The following YIPF1 variants were observed in gnomAD, a reference collection of about 807,000 sequenced individuals.
The protein encoded by YIPF1 is Yip1 domain family member 1.
In YIPF1, 22 loss-of-function variants were observed where a neutral mutation model predicts 37.0. The observed-to-expected ratio is 0.59, with a 90% CI of 0.42 to 0.85. The LOEUF (loss-of-function observed/expected upper bound fraction) is 0.85. Ranked by LOEUF, YIPF1 falls within the 40% of genes least tolerant of loss-of-function variation. The pLI, the probability that YIPF1 is intolerant of heterozygous loss-of-function variation, is 0.00. For synonymous variants in YIPF1, 128 were observed against 131.9 expected (o/e 0.97, Z 0.21); for missense variants, 355 against 373.1 (o/e 0.95, Z 0.40).
At chr1:53,883,039 A>G in intron 4 of YIPF1, 74 bp downstream of exon 4, 1 of 1,466,520 alleles carries the variant, frequency 6.8e-7, no homozygotes, top group Non-Finnish European at 9.0e-7. Flanking sequence ...TACCTGGCAC[A>G]CAGTAGACAG....
At chr1:53,882,367 TAA>T (rs906524285) in intron 4 of YIPF1, among the ~76,000 whole-genome samples, 1 of 151,880 alleles carries the variant, frequency 6.6e-6, no homozygotes, top group African/African-American at 2.4e-5. Context: ...TTTTCACAAT[TAA>T]AGTCGACAGT....
Position 53,883,233 on chromosome 1 carries a change from G to A in YIPF1, c.75C>T (p.Ala25=). The part of the protein sequence containing the change: ...AATSLTANPD[A]TTVNIEDPGE... ...CAGGATCCTCAATGTTTACTGTGGT[G>A]GCATCTGGGTTTGCTGTCAGAGAAG... The change falls in exon 4 of 11, where the codon GCC becomes GCT. Residue 25 remains alanine (A), a synonymous_variant. Coordinates refer to ENST00000072644, the MANE Select transcript of YIPF1 (RefSeq NM_018982.5). 6.3e-7 allele frequency: 1 copy of A among 1,592,126 alleles called. No individual in the cohort carries two copies. Among genetic ancestry groups the A allele is most frequent in the Non-Finnish European group, 8.5e-7 (1 of 1,171,312 alleles).
At chr1:53,888,601 T>A (rs1186290644) in intron 3 of YIPF1, among the ~76,000 whole-genome samples, 2 of 152,224 alleles carry the variant, frequency 1.3e-5, no homozygotes, top group African/African-American at 2.4e-5. Context: ...CTTGTACGGT[T>A]CTAAGCACAA....
Position 53,866,386 on chromosome 1 carries a change from A to G in YIPF1, c.649-4T>C, listed in dbSNP as rs137932769. ...TCTGGGGGATAATCCACAGTATCTG[A>G]AAGAAGAGAAAAGGAGGAGCGGGGA... is the stretch of plus-strand genomic sequence containing the variant. On this transcript the variant is annotated splice_polypyrimidine_tract_variant and splice_region_variant and intron_variant, in intron 8 of 10. Coordinates refer to ENST00000072644, the MANE Select transcript of YIPF1 (RefSeq NM_018982.5). The G allele has an allele frequency of 3.9e-4, 634 of 1,612,852 alleles. 6 individuals are homozygous for G. In the East Asian group the frequency reaches 0.014, roughly 36 times the overall value.
Position 53,878,632 on chromosome 1 carries a change from G to A in YIPF1, c.276+10C>T. 6.3e-7 allele frequency: 1 copy of A among 1,598,296 alleles called. No homozygotes were observed. The highest frequency in any genetic ancestry group is 1.4e-5 in the African/African-American group (1 of 73,738). On this transcript the variant is annotated intron_variant, in intron 5 of 10. Coordinates refer to ENST00000072644, the MANE Select transcript of YIPF1 (RefSeq NM_018982.5). ...ACCCGTAAAAGGAAAGGTGAAATTG[G>A]TTTCCAAACCTGGTAGGTGTCCACA...
chr1:53,878,779 G>A, intron 4 of YIPF1, 57 bp from the exon 5 acceptor site: 1 of 1,517,552 alleles, frequency 6.6e-7, no homozygotes, highest in Non-Finnish European at 8.9e-7. Context: ...AATTCCAGCT[G>A]CGTGGGGTGC....
intron 4 of YIPF1, among the ~76,000 whole-genome samples, 154 bp from the exon 5 acceptor site, chr1:53,878,876 C>T (rs927215846): frequency 6.6e-6 from 1 of 152,120 alleles, no homozygotes; most frequent in African/African-American, 2.4e-5. Flanking sequence ...ATAGCCAATT[C>T]GCAACTCTCA....
chr1:53,871,285 A>G, intron 7 of YIPF1, 87 bp downstream of exon 7: 1 of 1,146,836 alleles, frequency 8.7e-7, no homozygotes, highest in East Asian at 2.4e-5. Context: ...TGCAGCATCT[A>G]GAGATGGGGC....
At chr1:53,879,205 C>T (rs543445238) in intron 4 of YIPF1, among the ~76,000 whole-genome samples, 4 of 152,080 alleles carry the variant, frequency 2.6e-5, no homozygotes, top group African/African-American at 9.6e-5. Flanking sequence ...AACAATCTTC[C>T]CACCTCAGCT....
At chr1:53,880,468 T>A (rs1291113288) in intron 4 of YIPF1, among the ~76,000 whole-genome samples, 1 of 152,184 alleles carries the variant, frequency 6.6e-6, no homozygotes, top group Non-Finnish European at 1.5e-5. Flanking sequence ...ATCAGTATTG[T>A]GCAAATGGCA....
At position 53,866,402 on chromosome 1, in the gene YIPF1, G is replaced by A. The variant is rs983177760; in HGVS notation, c.649-20C>T. Reference sequence around the variant, plus strand: ...CAGTATCTGAAAGAAGAGAAAAGGAGGAGCGGGGAGTTCTTGGGAGGCATT... The same window carrying A: ...CAGTATCTGAAAGAAGAGAAAAGGAAGAGCGGGGAGTTCTTGGGAGGCATT... On this transcript the variant is annotated intron_variant, in intron 8 of 10. Coordinates refer to ENST00000072644, the MANE Select transcript of YIPF1 (RefSeq NM_018982.5). 2 of 1,609,930 alleles carry A rather than the reference G, an allele frequency of 1.2e-6. No homozygotes were observed. The highest frequency in any genetic ancestry group is 8.5e-7 in the Non-Finnish European group (1 of 1,177,358).
intron 6 of YIPF1, 97 bp downstream of exon 6, chr1:53,878,218 T>C (rs766079047): frequency 1.7e-6 from 2 of 1,189,230 alleles, no homozygotes; most frequent in Non-Finnish European, 2.4e-6. Context: ...ATACATGGCA[T>C]GCCCCACCAA....
chr1:53,864,132 ATGCC>A (rs1315632403), intron 9 of YIPF1, among the ~76,000 whole-genome samples: 1 of 152,168 alleles, frequency 6.6e-6, no homozygotes, highest in Non-Finnish European at 1.5e-5. Flanking sequence ...GAGAAGGGCA[ATGCC>A]TCCTCTCCTG....
At chr1:53,872,603 T>C (rs1650222276) in intron 6 of YIPF1, among the ~76,000 whole-genome samples, 1 of 152,246 alleles carries the variant, frequency 6.6e-6, no homozygotes, top group South Asian at 2.1e-4. Context: ...ATAAATTGTA[T>C]GAATTTCATT....
intron 6 of YIPF1, 80 bp from the exon 7 acceptor site, chr1:53,871,568 T>A: frequency 8.7e-7 from 1 of 1,151,614 alleles, no homozygotes; most frequent in Non-Finnish European, 1.3e-6. Context: ...CTTATCTTCC[T>A]CTTGTATTCA....
intron 3 of YIPF1, among the ~76,000 whole-genome samples, chr1:53,883,539 G>T (rs1226662791): frequency 1.3e-5 from 2 of 152,194 alleles, no homozygotes; most frequent in African/African-American, 4.8e-5. Flanking sequence ...ACAAGCCTGA[G>T]TAAGTAACTA....
chr1:53,858,007 T>G (rs574076321), intron 10 of YIPF1, among the ~76,000 whole-genome samples: 10 of 150,820 alleles, frequency 6.6e-5, no homozygotes, highest in African/African-American at 2.4e-4. Flanking sequence ...AAAAGTGTTT[T>G]GTCAAATGGA....
At chr1:53,879,229 G>A (rs563431437) in intron 4 of YIPF1, among the ~76,000 whole-genome samples, 1 of 151,788 alleles carries the variant, frequency 6.6e-6, no homozygotes, top group Admixed American at 6.6e-5. Flanking sequence ...CAAGCAGCTG[G>A]GACTACACGC....
At chr1:53,888,010 A>G (rs1650699803) in intron 3 of YIPF1, among the ~76,000 whole-genome samples, 1 of 152,186 alleles carries the variant, frequency 6.6e-6, no homozygotes, top group Non-Finnish European at 1.5e-5. Context: ...GGTGGATCAC[A>G]AGGTCAGAAG....
Sources: gnomAD v4.1 joint callset for allele counts (sites outside exome capture counted in the v4.1 genomes callset) on GRCh38, gnomAD v4.1.1 for gene constraint, MANE v1.5 for transcripts, NCBI Gene and HGNC (gene_info 2026-07-23, HGNC 2026-07-21) for gene names.